The following PARP14 variants were observed in gnomAD, a reference collection of about 807,000 sequenced individuals.
PARP14 encodes protein mono-ADP-ribosyltransferase PARP14.
In PARP14, 59 loss-of-function variants were observed where a neutral mutation model predicts 154.2. That is an observed-to-expected ratio of 0.38 (90% CI 0.31 to 0.48). The LOEUF is 0.48. Among genes scored for constraint, PARP14 ranks in the 20% least tolerant of loss-of-function variants. The pLI is 0.98. For synonymous variants in PARP14, 720 were observed against 780.5 expected (o/e 0.92, Z 1.29); for missense variants, 1,734 against 2,131.6 (o/e 0.81, Z 3.67).
At chr3:122,689,391 G>A (rs1357080174) in intron 3 of PARP14, among the ~76,000 whole-genome samples, 2 of 151,950 alleles carry the variant, frequency 1.3e-5, no homozygotes, top group Admixed American at 1.3e-4. Flanking sequence ...CTGCAGCCTC[G>A]ACCTCCCTGG....
chr3:122,716,190 A>G (rs1195803559), intron 12 of PARP14, among the ~76,000 whole-genome samples: 1 of 152,180 alleles, frequency 6.6e-6, no homozygotes, highest in Non-Finnish European at 1.5e-5. Flanking sequence ...CCTGCATAAG[A>G]GGAGAGATTA....
chr3:122,727,876 C>G lies in PARP14; in HGVS notation c.5006C>G (p.Ala1669Gly). The change falls in exon 16 of 17, where the codon GCC (alanine) becomes GGC (glycine). Residue 1669 changes from alanine to glycine, a missense_variant. Transcript: ENST00000474629. Reference sequence around the variant, plus strand: ...CAGGCAAAGAAAAAAACTATGGATGCCAAGAATGGCCAGACAATGAATGAG... The same window carrying G: ...CAGGCAAAGAAAAAAACTATGGATGGCAAGAATGGCCAGACAATGAATGAG... ...SYQAKKKTMDAKNGQTMNEKQ... is the reference protein window; with the variant it reads ...SYQAKKKTMDGKNGQTMNEKQ... The G allele has an allele frequency of 2.5e-6, 4 of 1,612,900 alleles. No individual in the cohort carries two copies. Among genetic ancestry groups the G allele is most frequent in the Non-Finnish European group, 3.4e-6 (4 of 1,179,034 alleles).
At chr3:122,687,378 A>G (rs190432232) in intron 3 of PARP14, among the ~76,000 whole-genome samples, 1 of 152,356 alleles carries the variant, frequency 6.6e-6, no homozygotes, top group Non-Finnish European at 1.5e-5. Flanking sequence ...AAGAAGTGCC[A>G]GAGAGCTGGG....
chr3:122,728,722 C>A lies in PARP14; in HGVS notation c.*125C>A. ...CTAATATCCAAGGATCATTCTTTGTCGCTGAAGTCAGTCTTTCTTCAGCTT... is the reference window on the plus strand; with the variant it reads ...CTAATATCCAAGGATCATTCTTTGTAGCTGAAGTCAGTCTTTCTTCAGCTT... On this transcript the variant is annotated 3_prime_UTR_variant, in exon 17 of 17. Transcript: ENST00000474629. 2 of 721,046 alleles carry A rather than the reference C, an allele frequency of 2.8e-6. No homozygotes were observed. Among genetic ancestry groups the A allele is most frequent in the Non-Finnish European group, 4.6e-6 (2 of 431,330 alleles). The allele number at this position is 721,046 out of a possible 1,614,324, so 44.7% of individuals were successfully genotyped here. A position where few individuals can be genotyped will look rare whatever the true frequency, so the allele number is the denominator to read the frequency against.
rs767514447 is a variant in PARP14, at chr3:122,701,541, C to T, written c.2987C>T (p.Ala996Val). Residue 996 changes from alanine to valine, a missense_variant, in exon 6 of 17, where the codon GCG becomes GTG. Coordinates refer to ENST00000474629, the MANE Select transcript of PARP14 (RefSeq NM_017554.3). This position sits in a 1 kb window ranked among gnomAD's most constrained non-coding sequence, Gnocchi z 4.0. ...CCGCCAGGTTTACCACCAGCAGCAG[C>T]GGGGCCTGGGAAAACATCATGGGAA... is the stretch of plus-strand genomic sequence containing the variant. ...AAPPGLPPAA[A>V]GPGKTSWEKG... is the part of the protein sequence containing the mutation. 28 of 1,611,536 alleles carry T rather than the reference C, an allele frequency of 1.7e-5. No homozygotes were observed. Among genetic ancestry groups the T allele is most frequent in the South Asian group, 4.4e-5 (4 of 90,758 alleles).
intron 3 of PARP14, among the ~76,000 whole-genome samples, chr3:122,687,334 G>A (rs1227258444): frequency 6.6e-6 from 1 of 152,192 alleles, no homozygotes; most frequent in Non-Finnish European, 1.5e-5. Context: ...TCTCTCTGGG[G>A]ACTGGAAGAC....
chr3:122,730,486 TA>T lies in PARP14; in HGVS notation c.*1890del, dbSNP rs1267327577. On this transcript the variant is annotated 3_prime_UTR_variant, in exon 17 of 17. Coordinates refer to ENST00000474629, the MANE Select transcript of PARP14 (RefSeq NM_017554.3). ...CACCTGTACTTGAAGTGGAGGAGGC[TA>T]GGGGGCCACAGTTGCTGCTTCATTA... 5 of 152,190 alleles carry T rather than the reference TA, an allele frequency of 3.3e-5. No individual in the cohort carries two copies. The highest frequency in any genetic ancestry group is 1.2e-4 in the African/African-American group (5 of 41,438). The allele number at this position is 152,190 out of a possible 1,614,324, so 9.4% of individuals were successfully genotyped here. A position where few individuals can be genotyped will look rare whatever the true frequency, so the allele number is the denominator to read the frequency against.
In PARP14 at chr3:122,681,253, G is replaced by C. The variant is rs1938197401; in HGVS notation, c.187+183G>C. ...ATTCCGAGCGCACCCGGGGCGCTGC[G>C]GTTCCCCGGCGCCCTGCGCTTCCAG... On this transcript the variant is annotated intron_variant, in intron 1 of 16. Transcript: ENST00000474629. This position sits in a 1 kb window ranked among gnomAD's most constrained non-coding sequence, Gnocchi z 5.5. Among the ~76,000 whole-genome samples, 1 of 152,110 alleles carries C rather than the reference G, an allele frequency of 6.6e-6. No individual in the cohort carries two copies. The highest frequency in any genetic ancestry group is 2.1e-4 in the South Asian group (1 of 4,832).
At chr3:122,696,828 CTT>C (rs1329958865) in intron 5 of PARP14, among the ~76,000 whole-genome samples, 2 of 152,198 alleles carry the variant, frequency 1.3e-5, no homozygotes, top group East Asian at 3.8e-4. Context: ...TCCCTGATCT[CTT>C]TGCACCATCT....
chr3:122,685,080 C>A, intron 1 of PARP14, 105 bp from the exon 2 acceptor site: 2 of 1,270,364 alleles, frequency 1.6e-6, no homozygotes, highest in East Asian at 4.7e-5. Flanking sequence ...GAGAAACCGA[C>A]CAAGCCATTG....
chr3:122,720,970 C>T, intron 15 of PARP14: 1 of 333,358 alleles, frequency 3.0e-6, no homozygotes, highest in Non-Finnish European at 6.0e-6. Context: ...ATTTTGGCAT[C>T]TTCTTCCATT....
chr3:122,687,936 AT>A (rs1159416791), intron 3 of PARP14, among the ~76,000 whole-genome samples: 1 of 152,238 alleles, frequency 6.6e-6, no homozygotes, highest in Non-Finnish European at 1.5e-5. Flanking sequence ...CTTTTGGAAA[AT>A]GGCACTAGAG....
chr3:122,728,705 C>A lies in PARP14; in HGVS notation c.*108C>A. ...CCTCTTAACAGATTTTTCTAATATC[C>A]AAGGATCATTCTTTGTCGCTGAAGT... is the stretch of plus-strand genomic sequence containing the variant. On this transcript the variant is annotated 3_prime_UTR_variant, in exon 17 of 17. Transcript: ENST00000474629. 1.2e-6 allele frequency: 1 copy of A among 823,086 alleles called. No homozygotes were observed. The highest frequency in any genetic ancestry group is 1.9e-6 in the Non-Finnish European group (1 of 513,632). 51.0% of individuals were successfully genotyped at this position (823,086 alleles called of 1,614,324 possible). A position where few individuals can be genotyped will look rare whatever the true frequency, so the allele number is the denominator to read the frequency against.
At position 122,713,943 on chromosome 3, in the gene PARP14, T is replaced by C. The variant is rs749068879; in HGVS notation, c.3832+9T>C. 43 of 1,608,488 alleles carry C rather than the reference T, an allele frequency of 2.7e-5. No homozygotes were observed. The Middle Eastern group carries it at 4.9e-4, about 18-fold the overall frequency. ...GGAATGTTCTCAGCAAGGTAAGGCA[T>C]ATTCTATTTTTTGGTCCTAAGTTGT... On this transcript the variant is annotated intron_variant, in intron 11 of 16. Transcript: ENST00000474629.
chr3:122,714,715 G>A (rs930123), intron 12 of PARP14, among the ~76,000 whole-genome samples: 134,643 of 152,196 alleles, frequency 0.88, 59,571 homozygotes, highest in East Asian at 0.98. Flanking sequence ...AAGGGAGAGA[G>A]TGGAAAGGCC....
chr3:122,692,334 T>C lies in PARP14; in HGVS notation c.389T>C (p.Leu130Pro), dbSNP rs1043680256. 6.2e-7 allele frequency: 1 copy of C among 1,612,978 alleles called. No homozygotes were observed. The highest frequency in any genetic ancestry group is 8.5e-7 in the Non-Finnish European group (1 of 1,179,056). ...GAAGAATTGGATACAAAACTCCCTC[T>C]TGATGGTGGATTAGACAAAATGGAA... ...VSEELDTKLP[L>P]DGGLDKMEDI... The change falls in exon 4 of 17, where the codon CTT (leucine) becomes CCT (proline). Residue 130 changes from leucine to proline, a missense_variant. By Grantham distance (98) the Leu-to-Pro change is moderately conservative (BLOSUM62 -3). This residue lies in a region of PARP14 where 1,646 missense variants were observed against 1,976.0 expected (regional missense o/e 0.83). Transcript: ENST00000474629.
At chr3:122,710,281 G>T (rs549356746) in intron 9 of PARP14, among the ~76,000 whole-genome samples, 29 of 152,240 alleles carry the variant, frequency 1.9e-4, no homozygotes, top group African/African-American at 6.7e-4. Context: ...CATGTGGCTT[G>T]CCAGTTTTCC....
At chr3:122,720,555 T>C (rs1933139347) in intron 15 of PARP14, 167 bp downstream of exon 15, 2 of 677,836 alleles carry the variant, frequency 3.0e-6, no homozygotes, top group South Asian at 1.6e-5. Context: ...CCATAATTAC[T>C]GAGGCATTAA....
chr3:122,700,616 A>G lies in PARP14; in HGVS notation c.2062A>G (p.Thr688Ala), dbSNP rs1938931537. The G allele has an allele frequency of 1.2e-6, 2 of 1,601,940 alleles. No homozygotes were observed. Among genetic ancestry groups the G allele is most frequent in the Non-Finnish European group, 1.7e-6 (2 of 1,173,584 alleles). The change falls in exon 6 of 17, where the codon ACA becomes GCA. Residue 688 changes from threonine to alanine, a missense_variant. This residue lies in a region of PARP14 where 1,646 missense variants were observed against 1,976.0 expected (regional missense o/e 0.83). Transcript: ENST00000474629. ...TTCCTTAGTTATTGACTATTTAAAG[A>G]CAGAAAAGAAGCTATTCTGGCCAAA... is the stretch of plus-strand genomic sequence containing the variant. Reference protein sequence around the residue: ...KPSLVIDYLKTEKKLFWPKIK... With the variant: ...KPSLVIDYLKAEKKLFWPKIK...
Sources: gnomAD v4.1 joint callset for allele counts (sites outside exome capture counted in the v4.1 genomes callset) on GRCh38, gnomAD v4.1.1 for gene constraint, gnomAD v4.1.1 regional missense constraint, Gnocchi (gnomAD v3.1) non-coding constraint, MANE v1.5 for transcripts, NCBI Gene and HGNC (gene_info 2026-07-23, HGNC 2026-07-21) for gene names.